EHBP1: variants seen among roughly 807,000 people sequenced by gnomAD.
The protein encoded by EHBP1 is EH domain-binding protein 1.
EHBP1 carries 55 observed loss-of-function variants against 144.0 expected under a neutral mutation model. The ratio of observed to expected loss-of-function variants is 0.38; its 90% CI spans 0.31 to 0.48. EHBP1 has a LOEUF of 0.48. EHBP1 is among the 20% of genes least tolerant of loss of function. The pLI, the probability that EHBP1 is intolerant of heterozygous loss-of-function variation, is 0.98. For synonymous variants in EHBP1, 469 were observed against 472.7 expected, an observed-to-expected ratio of 0.99 and a Z score of 0.10; for missense variants, 1,200 against 1,364.2, an observed-to-expected ratio of 0.88 and a Z score of 1.90.
At chr2:62,795,414 C>T (rs1240263926) in intron 5 of EHBP1, among the ~76,000 whole-genome samples, 1 of 151,994 alleles carries the variant, frequency 6.6e-6, no homozygotes, top group Non-Finnish European at 1.5e-5. Flanking sequence ...ATTGAATCTC[C>T]TATTCAGATT....
intron 10 of EHBP1, among the ~76,000 whole-genome samples, chr2:62,879,246 A>G (rs2051157613): frequency 6.6e-6 from 1 of 152,164 alleles, no homozygotes; most frequent in African/African-American, 2.4e-5. Flanking sequence ...AAGGATGCCC[A>G]CTGTCACCAC....
At chr2:63,017,611 A>T (rs2153274943) in intron 19 of EHBP1, among the ~76,000 whole-genome samples, 1 of 152,290 alleles carries the variant, frequency 6.6e-6, no homozygotes, top group South Asian at 2.1e-4. Context: ...TATTATTTAT[A>T]TAATCTTTTT....
intron 5 of EHBP1, among the ~76,000 whole-genome samples, chr2:62,825,671 G>GT (rs1553431963): frequency 6.6e-6 from 1 of 151,688 alleles, no homozygotes; most frequent in Non-Finnish European, 1.5e-5. Context: ...AATCGTAGGC[G>GT]TTTAAAAAGG....
At chr2:62,794,154 C>T (rs754303770) in intron 5 of EHBP1, among the ~76,000 whole-genome samples, 12 of 152,064 alleles carry the variant, frequency 7.9e-5, no homozygotes, top group Non-Finnish European at 1.3e-4. Context: ...AAATAATCCA[C>T]AGCATTTTCC....
intron 1 of EHBP1, among the ~76,000 whole-genome samples, chr2:62,677,968 T>C (rs1207727165): frequency 6.6e-6 from 1 of 152,228 alleles, no homozygotes; most frequent in Non-Finnish European, 1.5e-5. Flanking sequence ...CTCTTTGATA[T>C]ACTAATTTCC....
chr2:62,719,682 T>C (rs767722046), intron 2 of EHBP1, among the ~76,000 whole-genome samples: 9 of 152,246 alleles, frequency 5.9e-5, no homozygotes, highest in Non-Finnish European at 1.2e-4. Flanking sequence ...GTTTTGGTCA[T>C]TATTCTCTAA....
At position 62,852,218 on chromosome 2, in the gene EHBP1, G is replaced by A. The variant is rs187410009; in HGVS notation, c.635-6951G>A. 1.8e-3 allele frequency among the ~76,000 whole-genome samples: 276 copies of A among 152,094 alleles called. 2 individuals carry two copies. Among genetic ancestry groups the A allele is most frequent in the African/African-American group, 6.3e-3 (261 of 41,534 alleles). Reference sequence around the variant, plus strand: ...AATTAAAACGTCTTAGCTATATAAAGAAAAGTGCAAATACTTGAGCACTGT... The same window carrying A: ...AATTAAAACGTCTTAGCTATATAAAAAAAAGTGCAAATACTTGAGCACTGT... On this transcript the variant is annotated intron_variant, in intron 7 of 22. Coordinates refer to ENST00000431489, the MANE Select transcript of EHBP1 (RefSeq NM_001142616.3).
At chr2:62,839,851 A>G (rs2047649808) in intron 7 of EHBP1, among the ~76,000 whole-genome samples, 1 of 151,996 alleles carries the variant, frequency 6.6e-6, no homozygotes, top group Non-Finnish European at 1.5e-5. Flanking sequence ...ATACAAACAA[A>G]TGGAAGAACA....
chr2:62,881,168 C>T (rs115416628), intron 10 of EHBP1, among the ~76,000 whole-genome samples: 4,391 of 151,986 alleles, frequency 0.029, 204 homozygotes, highest in African/African-American at 0.099. Flanking sequence ...CATGTTGTCA[C>T]TTATAAGTAG....
rs145344590 is a variant in EHBP1 at position 62,958,527 on chromosome 2, A to T, written c.2460+2867A>T. On this transcript the variant is annotated intron_variant, in intron 14 of 22. Coordinates refer to ENST00000431489, the MANE Select transcript of EHBP1 (RefSeq NM_001142616.3). ...ACTAACGTAGCATGACAGAAAGCCA[A>T]TTGGTGGTTGCCTGATGCCAGGGTA... Among the ~76,000 whole-genome samples, 214 of 152,314 alleles carry T rather than the reference A, an allele frequency of 1.4e-3. 1 individual carries two copies. The highest frequency in any genetic ancestry group is 4.7e-3 in the African/African-American group (195 of 41,568).
At chr2:62,884,600 G>A (rs1488322709) in intron 10 of EHBP1, among the ~76,000 whole-genome samples, 1 of 152,114 alleles carries the variant, frequency 6.6e-6, no homozygotes, top group Non-Finnish European at 1.5e-5. Flanking sequence ...AAAAAATGTA[G>A]ACTATTGCCA....
At position 62,734,330 on chromosome 2, in the gene EHBP1, A is replaced by AAACATTTT. The variant is rs569731042; in HGVS notation, c.105-13063_105-13062insCATTTTAA. 1.9e-4 allele frequency among the ~76,000 whole-genome samples: 29 copies of AAACATTTT among 151,690 alleles called. No individual in the cohort carries two copies. In the East Asian group the frequency reaches 5.4e-3, roughly 28 times the overall value. ...ACTTATATGGTTTCCTTTTTTAAAA[A>AAACATTTT]AAACATTTTAACATTTCCATCTTGG... On this transcript the variant is annotated intron_variant, in intron 2 of 22. Coordinates refer to ENST00000431489, the MANE Select transcript of EHBP1 (RefSeq NM_001142616.3).
intron 15 of EHBP1, among the ~76,000 whole-genome samples, chr2:62,980,329 C>G (rs1018234997): frequency 6.6e-6 from 1 of 152,148 alleles, no homozygotes; most frequent in African/African-American, 2.4e-5. Flanking sequence ...CTGTGAGAAT[C>G]TAATGCCGCT....
chr2:62,752,472 A>C (rs1293492770), intron 3 of EHBP1, among the ~76,000 whole-genome samples: 1 of 152,008 alleles, frequency 6.6e-6, no homozygotes, highest in African/African-American at 2.4e-5. Flanking sequence ...TGGGGTGGAG[A>C]GTTCTATAGA....
rs749945407 is a variant in EHBP1, at chr2:62,917,232, G to T, written c.1186-25486G>T. ...ATGAAATAGGAGGGAGGTCAAGGTTGCAGTGAGCTGTGATCATACCACTGC... is the reference window on the plus strand; with the variant it reads ...ATGAAATAGGAGGGAGGTCAAGGTTTCAGTGAGCTGTGATCATACCACTGC... On this transcript the variant is annotated intron_variant, in intron 10 of 22. Coordinates refer to ENST00000431489, the MANE Select transcript of EHBP1 (RefSeq NM_001142616.3). 1.8e-4 allele frequency among the ~76,000 whole-genome samples: 27 copies of T among 152,196 alleles called. 1 individual carries two copies. Among genetic ancestry groups the T allele is most frequent in the Admixed American group, 3.3e-4 (5 of 15,276 alleles).
rs144305729 is a variant in EHBP1, at chr2:62,996,581, A to G, written c.2980-62A>G. ...GGTAAGTGCTTTACTAAGTGTTTGT[A>G]GAAAGGAAAAATGCAACTTACAAGT... On this transcript the variant is annotated intron_variant, in intron 18 of 22. Coordinates refer to ENST00000431489, the MANE Select transcript of EHBP1 (RefSeq NM_001142616.3). 1.9e-6 allele frequency: 3 copies of G among 1,608,016 alleles called. No homozygotes were observed. In the East Asian group the frequency reaches 6.7e-5, roughly 36 times the overall value.
rs986973589 is a variant in EHBP1, at chr2:62,675,600, G to A, written c.-296+1517G>A. ...GAACATGGGGAAAAAAGGAAGCCTA[G>A]GGACAAAATAAGGCCTTTCTTCTGT... is the stretch of plus-strand genomic sequence containing the variant. On this transcript the variant is annotated intron_variant, in intron 1 of 22. Coordinates refer to the EHBP1 transcript ENST00000405015. Among the ~76,000 whole-genome samples the A allele has an allele frequency of 3.9e-5, 6 of 152,164 alleles. No individual in the cohort carries two copies. The East Asian group carries it at 1.2e-3, about 29-fold the overall frequency.
chr2:62,745,635 C>G (rs575132401), intron 2 of EHBP1, among the ~76,000 whole-genome samples: 12 of 151,848 alleles, frequency 7.9e-5, no homozygotes, highest in African/African-American at 2.9e-4. Context: ...AGATCAGAGT[C>G]AAGTGGTGAG....
intron 7 of EHBP1, among the ~76,000 whole-genome samples, chr2:62,833,007 A>G (rs1337541778): frequency 6.6e-6 from 1 of 152,240 alleles, no homozygotes; most frequent in Non-Finnish European, 1.5e-5. Context: ...AAAAAATTCT[A>G]GAAGGAAATT....
Sources: gnomAD v4.1 joint callset for allele counts (sites outside exome capture counted in the v4.1 genomes callset) on GRCh38, gnomAD v4.1.1 for gene constraint, MANE v1.5 for transcripts, NCBI Gene and HGNC (gene_info 2026-07-23, HGNC 2026-07-21) for gene names.